The following DAAM2 variants were observed in gnomAD, a reference collection of about 807,000 sequenced individuals.
DAAM2 encodes disheveled-associated activator of morphogenesis 2.
DAAM2 carries 39 observed loss-of-function variants against 120.7 expected under a neutral mutation model. The ratio of observed to expected loss-of-function variants is 0.32; its 90% CI spans 0.25 to 0.42. The LOEUF is 0.42. Among genes scored for constraint, DAAM2 ranks in the 10% least tolerant of loss-of-function variants. The pLI, the probability that DAAM2 is intolerant of heterozygous loss-of-function variation, is 1.00. For synonymous variants in DAAM2, 488 were observed against 524.9 expected, an observed-to-expected ratio of 0.93 and a Z score of 0.96; for missense variants, 1,283 against 1,401.7, an observed-to-expected ratio of 0.92 and a Z score of 1.35.
At chr6:39,825,509 T>C (rs1027389693) in intron 1 of DAAM2, among the ~76,000 whole-genome samples, 7 of 151,780 alleles carry the variant, frequency 4.6e-5, no homozygotes, top group Non-Finnish European at 1.0e-4. Flanking sequence ...GTAGCCCAGC[T>C]CTGCCAGTGT....
chr6:39,838,161 C>T (rs1427468271), intron 1 of DAAM2, among the ~76,000 whole-genome samples: 2 of 152,240 alleles, frequency 1.3e-5, no homozygotes, highest in African/African-American at 2.4e-5. Flanking sequence ...GCAATCTGAC[C>T]TCACCTGGTT....
Position 39,818,093 on chromosome 6 carries a change from C to T in DAAM2, c.-57+25628C>T, listed in dbSNP as rs111530687. 4.2e-4 allele frequency among the ~76,000 whole-genome samples: 63 copies of T among 149,968 alleles called. No homozygotes were observed. The South Asian group carries it at 5.8e-3, about 14-fold the overall frequency. ...ATTTGGGAGGCTGAGGCAGGAGAAT[C>T]GCTTGAAGCTGGGAGGTGGAGGCTG... On this transcript the variant is annotated intron_variant, in intron 1 of 24. Coordinates refer to ENST00000274867, the MANE Select transcript of DAAM2 (RefSeq NM_001201427.2).
chr6:39,854,782 A>G (rs1183204699), intron 1 of DAAM2, among the ~76,000 whole-genome samples: 1 of 152,184 alleles, frequency 6.6e-6, no homozygotes, highest in Non-Finnish European at 1.5e-5. Context: ...CTTTAGGGGA[A>G]ATCTCTCATG....
intron 1 of DAAM2, among the ~76,000 whole-genome samples, chr6:39,830,065 C>G (rs1281419297): frequency 1.3e-5 from 2 of 152,104 alleles, no homozygotes; most frequent in Non-Finnish European, 2.9e-5. Context: ...ATTTGTACCC[C>G]CTTTCCGACT....
At chr6:39,891,103 AAAG>A (rs1324968860) in intron 17 of DAAM2, among the ~76,000 whole-genome samples, 23 of 151,560 alleles carry the variant, frequency 1.5e-4, no homozygotes, top group Admixed American at 7.9e-4. Context: ...AAAAAAAAAA[AAAG>A]AAAGAAATAC....
chr6:39,876,737 G>GTGTT (rs1764888325), intron 11 of DAAM2, among the ~76,000 whole-genome samples: 1 of 151,990 alleles, frequency 6.6e-6, no homozygotes, highest in Non-Finnish European at 1.5e-5. Flanking sequence ...GTGCGTGTGT[G>GTGTT]TATGTGCATA....
intron 19 of DAAM2, among the ~76,000 whole-genome samples, chr6:39,892,254 C>T (rs3008813): frequency 0.44 from 67,132 of 152,102 alleles, 15,512 homozygotes; most frequent in Middle Eastern, 0.54. Context: ...GAGAACCATG[C>T]GCCAAGCACT....
chr6:39,814,955 C>T (rs576078814), intron 1 of DAAM2, among the ~76,000 whole-genome samples: 7 of 152,272 alleles, frequency 4.6e-5, no homozygotes, highest in East Asian at 3.9e-4. Flanking sequence ...AGATGTCACC[C>T]GAGGAGCCCT....
chr6:39,873,239 T>C lies in DAAM2; in HGVS notation c.1046T>C (p.Val349Ala). 6.2e-7 allele frequency: 1 copy of C among 1,606,910 alleles called. No individual in the cohort carries two copies. Among genetic ancestry groups the C allele is most frequent in the Non-Finnish European group, 8.5e-7 (1 of 1,175,160 alleles). The change falls in exon 10 of 25, where the codon GTC becomes GCC. Residue 349 changes from valine to alanine, a missense_variant and splice_region_variant. Physicochemically the swap from Val to Ala is moderately conservative, Grantham distance 64. Around this residue, in one of 3 missense-constraint regions of DAAM2, gnomAD observed 338 missense variants for 443.9 expected, o/e 0.76. Transcript: ENST00000274867. ...TCACTGTGCCCTCTTCTCTCCCAGG[T>C]CCACATCGACACCAAGAGTGCTTCC... ...DLELARRFDMVHIDTKSASQM... is the reference protein window; with the variant it reads ...DLELARRFDMAHIDTKSASQM...
intron 3 of DAAM2, chr6:39,861,796 G>C (rs1303518716): frequency 6.5e-6 from 1 of 153,690 alleles, no homozygotes; most frequent in Non-Finnish European, 1.4e-5. Flanking sequence ...TTGTTATTCT[G>C]CCCTCCTACA....
intron 19 of DAAM2, among the ~76,000 whole-genome samples, chr6:39,893,222 ATT>A (rs1352643796): frequency 1.3e-5 from 2 of 152,212 alleles, no homozygotes; most frequent in African/African-American, 4.8e-5. Flanking sequence ...GAGCCTAAGA[ATT>A]AGTCAGTGGA....
intron 1 of DAAM2, among the ~76,000 whole-genome samples, chr6:39,853,946 A>G (rs1359754648): frequency 6.6e-6 from 1 of 152,134 alleles, no homozygotes; most frequent in Non-Finnish European, 1.5e-5. Context: ...CTGCCTGAAG[A>G]GTTGGTGCTT....
At chr6:39,857,190 C>T (rs1235780918) in intron 2 of DAAM2, among the ~76,000 whole-genome samples, 1 of 152,202 alleles carries the variant, frequency 6.6e-6, no homozygotes, top group Non-Finnish European at 1.5e-5. Context: ...CTTTGGAGGT[C>T]TGGTGGTGAG....
rs1284739599 is a variant in DAAM2, at chr6:39,808,608, C to T, written c.-57+16143C>T. Among the ~76,000 whole-genome samples, 6 of 152,328 alleles carry T rather than the reference C, an allele frequency of 3.9e-5. No individual in the cohort carries two copies. In the East Asian group the frequency reaches 1.2e-3, roughly 29 times the overall value. On this transcript the variant is annotated intron_variant, in intron 1 of 24. Coordinates refer to ENST00000274867, the MANE Select transcript of DAAM2 (RefSeq NM_001201427.2). ...TCTTCTCTGGTGTCTTATTGAAGTG[C>T]AGTCGATTCAGCTCTTTCATGTCCC...
intron 6 of DAAM2, chr6:39,868,535 A>G (rs1376321975): frequency 2.5e-6 from 1 of 403,740 alleles, no homozygotes; most frequent in African/African-American, 2.0e-5. Flanking sequence ...AAACAGCTGG[A>G]GCACGATGAT....
rs781172737 is a variant in DAAM2, at chr6:39,868,798, TG to T, written c.763-24del. Reference sequence around the variant, plus strand: ...TGTTGGGAACTCAGCCCTCTCCTCCTGCTCTGTCCTGCATTTCCACCTAGAC... The same window carrying T: ...TGTTGGGAACTCAGCCCTCTCCTCCTCTCTGTCCTGCATTTCCACCTAGAC... On this transcript the variant is annotated intron_variant, in intron 6 of 24. Transcript: ENST00000274867. 1.2e-5 allele frequency: 18 copies of T among 1,539,890 alleles called. No homozygotes were observed. In the African/African-American group the frequency reaches 2.3e-4, roughly 20 times the overall value.
chr6:39,900,881 C>T (rs1766437573), intron 23 of DAAM2, among the ~76,000 whole-genome samples: 1 of 152,126 alleles, frequency 6.6e-6, no homozygotes, highest in South Asian at 2.1e-4. Flanking sequence ...ATCTAACCCC[C>T]CAACACCACT....
At chr6:39,839,478 A>C in intron 1 of DAAM2, among the ~76,000 whole-genome samples, 1 of 152,154 alleles carries the variant, frequency 6.6e-6, no homozygotes, top group East Asian at 1.9e-4. Context: ...GAGCTGGGAA[A>C]CTCAGGATAT....
chr6:39,827,127 G>A (rs1762702133), intron 1 of DAAM2, among the ~76,000 whole-genome samples: 1 of 152,216 alleles, frequency 6.6e-6, no homozygotes, highest in Non-Finnish European at 1.5e-5. Context: ...AGGAAGCAAA[G>A]CAGAATTTGT....
Sources: allele counts gnomAD v4.1 joint callset (sites outside exome capture counted in the v4.1 genomes callset), GRCh38; gene constraint gnomAD v4.1.1; regional missense constraint gnomAD v4.1.1; transcripts MANE v1.5; gene names NCBI Gene and HGNC (gene_info 2026-07-23, HGNC 2026-07-21).